Variants in TPRG1 observed in about 807,000 individuals in gnomAD.
TPRG1 encodes the protein tumor protein p63-regulated gene 1 protein.
TPRG1 carries 29 observed loss-of-function variants against 29.3 expected under a neutral mutation model. The observed-to-expected ratio is 0.99, with a 90% confidence interval of 0.74 to 1.35. TPRG1 has a LOEUF of 1.35. Ranked by LOEUF, TPRG1 falls within the 40% of genes most tolerant of loss-of-function variation. The pLI, the probability that TPRG1 is intolerant of heterozygous loss-of-function variation, is 0.00. For missense variants in TPRG1, 327 were observed against 335.0 expected (o/e 0.98, Z 0.19); for synonymous variants, 130 against 116.8 (o/e 1.11, Z -0.73).
chr3:189,238,774 T>G lies in TPRG1; in HGVS notation c.344T>G (p.Val115Gly), dbSNP rs1329681430. Residue 115 changes from valine to glycine, a missense_variant, in exon 4 of 6, where the codon GTC (valine) becomes GGC (glycine). By Grantham distance (109) the Val-to-Gly change is moderately radical. Transcript: ENST00000345063. The stretch of plus-strand genomic sequence containing the variant: ...AATGAGAAGGAGAGAATTCTACTGG[T>G]CACAGACAAGACTCTCTTGATCTGC... ...WNNEKERILL[V>G]TDKTLLICKY... 6.2e-7 allele frequency: 1 copy of G among 1,613,484 alleles called. No homozygotes were observed. The highest frequency in any genetic ancestry group is 8.5e-7 in the Non-Finnish European group (1 of 1,179,644).
At chr3:189,227,080 G>A (rs990734269) in intron 3 of TPRG1, among the ~76,000 whole-genome samples, 1 of 151,950 alleles carries the variant, frequency 6.6e-6, no homozygotes, top group African/African-American at 2.4e-5. Flanking sequence ...TAAAGGCAGG[G>A]GGAAGGGAGA....
intron 1 of TPRG1, among the ~76,000 whole-genome samples, chr3:189,112,059 T>C (rs1720593335): frequency 6.6e-6 from 1 of 152,190 alleles, no homozygotes; most frequent in Admixed American, 6.5e-5. Context: ...GATATGATCA[T>C]TTGTTTTTTT....
chr3:189,145,374 CAT>C (rs1725131546), intron 3 of TPRG1, among the ~76,000 whole-genome samples: 3 of 92,106 alleles, frequency 3.3e-5, no homozygotes, highest in South Asian at 8.3e-4. Context: ...AAAAAAAAAA[CAT>C]GCCAAACTAA....
chr3:189,129,567 TTAAC>T (rs1282361331), intron 2 of TPRG1, among the ~76,000 whole-genome samples: 3 of 152,224 alleles, frequency 2.0e-5, no homozygotes, highest in African/African-American at 2.4e-5. Context: ...CTTTCCCTCA[TTAAC>T]TAATTTTAGC....
intron 4 of TPRG1, among the ~76,000 whole-genome samples, chr3:189,024,722 G>A (rs710509): frequency 0.91 from 138,998 of 152,226 alleles, 64,700 homozygotes; most frequent in East Asian, 1. Context: ...TAGAATATAG[G>A]CAGAGGTGCT....
intron 4 of TPRG1, among the ~76,000 whole-genome samples, chr3:189,250,249 A>G (rs1741954823): frequency 6.6e-6 from 1 of 152,108 alleles, no homozygotes; most frequent in Non-Finnish European, 1.5e-5. Flanking sequence ...CTAGGAACAT[A>G]CCATGATTAA....
intron 5 of TPRG1, among the ~76,000 whole-genome samples, chr3:189,316,289 A>G (rs943908563): frequency 6.6e-6 from 1 of 152,200 alleles, no homozygotes; most frequent in Non-Finnish European, 1.5e-5. Context: ...GGATAATTCC[A>G]GGAAAAATGT....
At chr3:189,059,230 AAGCACTTTC>A (rs1715929738) in intron 4 of TPRG1, among the ~76,000 whole-genome samples, 1 of 152,216 alleles carries the variant, frequency 6.6e-6, no homozygotes, top group Non-Finnish European at 1.5e-5. Flanking sequence ...AATATTTTCC[AAGCACTTTC>A]TGTGCCAGAC....
chr3:189,249,698 C>A (rs1243593383), intron 4 of TPRG1, among the ~76,000 whole-genome samples: 1 of 151,922 alleles, frequency 6.6e-6, no homozygotes, highest in Non-Finnish European at 1.5e-5. Context: ...TCTCTTTCTA[C>A]TAGTGATTGT....
chr3:189,006,026 A>T (rs1380544079), intron 3 of TPRG1, among the ~76,000 whole-genome samples: 1 of 152,140 alleles, frequency 6.6e-6, no homozygotes, highest in Non-Finnish European at 1.5e-5. Flanking sequence ...TGCCAGGAAC[A>T]CTAATTATAT....
rs1265320457 is a variant in TPRG1, at chr3:189,200,215, A to G, written c.-9-7161A>G. 2.6e-5 allele frequency among the ~76,000 whole-genome samples: 4 copies of G among 152,334 alleles called. No individual in the cohort carries two copies. In the East Asian group the frequency reaches 7.7e-4, roughly 29 times the overall value. Reference sequence around the variant, plus strand: ...CATCAACTCAACTTTCCCCCAGGACACAGAGCAGCCCTGCTGGCATGTTAT... The same window carrying G: ...CATCAACTCAACTTTCCCCCAGGACGCAGAGCAGCCCTGCTGGCATGTTAT... On this transcript the variant is annotated intron_variant, in intron 1 of 5. Transcript: ENST00000345063.
intron 4 of TPRG1, among the ~76,000 whole-genome samples, chr3:189,089,189 A>C (rs1718175691): frequency 6.6e-6 from 1 of 152,180 alleles, no homozygotes; most frequent in Non-Finnish European, 1.5e-5. Flanking sequence ...GTCCATCAAA[A>C]AACACTGTGG....
Position 189,187,280 on chromosome 3 carries a change from G to A in TPRG1, c.-10+15149G>A, listed in dbSNP as rs968331189. ...TGGGATTACAGGCATGAGCCACCCC[G>A]GCCAAGTTCATCTAACTTTTTTTTG... On this transcript the variant is annotated intron_variant, in intron 1 of 5. Transcript: ENST00000345063. Among the ~76,000 whole-genome samples, 7 of 151,268 alleles carry A rather than the reference G, an allele frequency of 4.6e-5. No homozygotes were observed. In the East Asian group the frequency reaches 9.8e-4, roughly 21 times the overall value.
At chr3:189,016,552 T>G (rs1712943793) in intron 3 of TPRG1, among the ~76,000 whole-genome samples, 1 of 152,046 alleles carries the variant, frequency 6.6e-6, no homozygotes, top group Admixed American at 6.6e-5. Flanking sequence ...GGGGCTGGGA[T>G]GGAGTGATAT....
chr3:189,182,152 C>G (rs532673286), intron 1 of TPRG1, among the ~76,000 whole-genome samples: 1 of 152,302 alleles, frequency 6.6e-6, no homozygotes, highest in South Asian at 2.1e-4. Flanking sequence ...ACAGACAAAC[C>G]ATGTCAACAA....
At chr3:189,261,948 G>C (rs376041006) in intron 4 of TPRG1, among the ~76,000 whole-genome samples, 1 of 152,092 alleles carries the variant, frequency 6.6e-6, no homozygotes, top group Non-Finnish European at 1.5e-5. Context: ...TTTGAATGAT[G>C]GTATGAGGAG....
At chr3:189,066,565 C>A (rs183064238) in intron 4 of TPRG1, among the ~76,000 whole-genome samples, 109 of 151,764 alleles carry the variant, frequency 7.2e-4, no homozygotes, top group African/African-American at 2.6e-3. Flanking sequence ...TGAAGTACAA[C>A]ATATGACCAT....
chr3:189,305,425 C>G (rs1462193883), intron 4 of TPRG1, among the ~76,000 whole-genome samples: 1 of 152,214 alleles, frequency 6.6e-6, no homozygotes, highest in Non-Finnish European at 1.5e-5. Context: ...CAACCTGTAG[C>G]TGCTTTTTGT....
At chr3:189,143,033 T>C (rs1724781375) in intron 3 of TPRG1, among the ~76,000 whole-genome samples, 1 of 152,268 alleles carries the variant, frequency 6.6e-6, no homozygotes, top group African/African-American at 2.4e-5. Context: ...GTGATAGTCA[T>C]GATTCTTTGA....
Sources: allele counts gnomAD v4.1 joint callset (sites outside exome capture counted in the v4.1 genomes callset), GRCh38; gene constraint gnomAD v4.1.1; transcripts MANE v1.5; gene names NCBI Gene and HGNC (gene_info 2026-07-23, HGNC 2026-07-21).